The following CDH4 variants were observed in gnomAD, a reference collection of about 807,000 sequenced individuals.
CDH4 encodes the protein cadherin 4.
In CDH4, 33 loss-of-function variants were observed where a neutral mutation model predicts 86.0. The ratio of observed to expected loss-of-function variants is 0.38; its 90% CI spans 0.29 to 0.51. CDH4 has a LOEUF of 0.51. Among genes scored for constraint, CDH4 ranks in the 20% least tolerant of loss-of-function variants. CDH4 has a pLI of 0.86. For synonymous variants in CDH4, 555 were observed against 549.4 expected (o/e 1.01, Z -0.14); for missense variants, 1,114 against 1,307.4 (o/e 0.85, Z 2.28).
chr20:61,315,591 C>T (rs1054506780), intron 2 of CDH4, among the ~76,000 whole-genome samples: 12 of 152,192 alleles, frequency 7.9e-5, no homozygotes, highest in South Asian at 2.1e-4. Flanking sequence ...CGGGGAGAAA[C>T]GAGGAGTGTG....
intron 2 of CDH4, among the ~76,000 whole-genome samples, chr20:61,318,845 G>A (rs938346313): frequency 3.9e-5 from 6 of 152,154 alleles, no homozygotes; most frequent in Non-Finnish European, 7.4e-5. Context: ...CTTTTCATTC[G>A]TTTATTCACA....
At chr20:61,314,876 A>AT (rs1476455935) in intron 2 of CDH4, among the ~76,000 whole-genome samples, 2 of 152,140 alleles carry the variant, frequency 1.3e-5, no homozygotes, top group Non-Finnish European at 2.9e-5. Context: ...TTCCCTGGTG[A>AT]TTCGTGATAT....
At chr20:61,495,197 A>T (rs2085651763) in intron 2 of CDH4, among the ~76,000 whole-genome samples, 1 of 152,182 alleles carries the variant, frequency 6.6e-6, no homozygotes, top group Non-Finnish European at 1.5e-5. Context: ...TTCAGGACTT[A>T]ATGTTGAGTC....
intron 2 of CDH4, among the ~76,000 whole-genome samples, chr20:61,657,700 C>T (rs976866266): frequency 3.3e-5 from 5 of 152,156 alleles, no homozygotes; most frequent in Non-Finnish European, 7.3e-5. Flanking sequence ...GCTGAAGGGA[C>T]GTCGATCAAA....
intron 3 of CDH4, 122 bp from the exon 4 acceptor site, chr20:61,772,881 C>T: frequency 1.3e-6 from 1 of 765,020 alleles, no homozygotes; most frequent in Non-Finnish European, 1.9e-6. Context: ...GCTCCTTGTC[C>T]CAGCGTTACC....
chr20:61,750,784 A>T (rs976973389), intron 3 of CDH4, among the ~76,000 whole-genome samples: 1 of 152,248 alleles, frequency 6.6e-6, no homozygotes, highest in African/African-American at 2.4e-5. Flanking sequence ...ACTCGTGAGT[A>T]AGGTTAGCAA....
chr20:61,320,960 G>A (rs954586306), intron 2 of CDH4, among the ~76,000 whole-genome samples: 2 of 152,094 alleles, frequency 1.3e-5, no homozygotes, highest in Non-Finnish European at 2.9e-5. Context: ...TGCCCCTGCT[G>A]TGGGGAAGTG....
chr20:61,880,025 T>C (rs1387525261), intron 7 of CDH4, among the ~76,000 whole-genome samples: 1 of 152,218 alleles, frequency 6.6e-6, no homozygotes, highest in Admixed American at 6.5e-5. Flanking sequence ...TTCAAGACCC[T>C]CTGCCCGCCC....
At chr20:61,714,415 C>T (rs1271865527) in intron 2 of CDH4, among the ~76,000 whole-genome samples, 2 of 150,252 alleles carry the variant, frequency 1.3e-5, no homozygotes, top group Admixed American at 6.7e-5. Flanking sequence ...GTTTTATTTA[C>T]CTTTTCTTAT....
rs184504413 is a variant in CDH4 at position 61,415,624 on chromosome 20, C to T, written c.169+160687C>T. Among the ~76,000 whole-genome samples, 508 of 152,188 alleles carry T rather than the reference C, an allele frequency of 3.3e-3. 2 individuals carry two copies. Among genetic ancestry groups the T allele is most frequent in the Non-Finnish European group, 4.7e-3 (321 of 68,014 alleles). On this transcript the variant is annotated intron_variant, in intron 2 of 15. Coordinates refer to ENST00000614565, the MANE Select transcript of CDH4 (RefSeq NM_001794.5). The stretch of plus-strand genomic sequence containing the variant: ...GGACCCCAAACAGGTAGAATCATAC[C>T]GTATTTGTCCTTTTGCATCTAGCTG...
At chr20:61,841,795 G>T (rs1982189547) in intron 4 of CDH4, among the ~76,000 whole-genome samples, 1 of 152,166 alleles carries the variant, frequency 6.6e-6, no homozygotes, top group African/African-American at 2.4e-5. Context: ...TGGGCCTGCA[G>T]GCCTCCTCTC....
At chr20:61,924,710 C>G (rs986930889) in intron 11 of CDH4, among the ~76,000 whole-genome samples, 2 of 151,956 alleles carry the variant, frequency 1.3e-5, no homozygotes, top group African/African-American at 4.8e-5. Flanking sequence ...ATTCATTCTG[C>G]CCCCTCCCCA....
At chr20:61,282,461 A>C (rs898801857) in intron 2 of CDH4, among the ~76,000 whole-genome samples, 2 of 152,248 alleles carry the variant, frequency 1.3e-5, no homozygotes, top group Admixed American at 1.3e-4. Context: ...AGACTTTAGA[A>C]AACAGAAAAG....
At chr20:61,821,927 G>A (rs961608647) in intron 4 of CDH4, among the ~76,000 whole-genome samples, 3 of 152,338 alleles carry the variant, frequency 2.0e-5, no homozygotes, top group African/African-American at 4.8e-5. Context: ...GCTCTGCCCC[G>A]CCTCCTTGTG....
chr20:61,743,044 G>A (rs1406840930), intron 2 of CDH4, among the ~76,000 whole-genome samples: 1 of 152,184 alleles, frequency 6.6e-6, no homozygotes, highest in African/African-American at 2.4e-5. Flanking sequence ...GCCGAGTTCT[G>A]CTGCCAGAAT....
intron 5 of CDH4, among the ~76,000 whole-genome samples, chr20:61,851,791 C>T (rs765065258): frequency 3.9e-5 from 6 of 152,186 alleles, no homozygotes; most frequent in Non-Finnish European, 7.3e-5. Context: ...AGCAGCCCCT[C>T]CTCCGAGAGG....
intron 6 of CDH4, among the ~76,000 whole-genome samples, chr20:61,871,168 AT>A (rs973456569): frequency 1.3e-5 from 2 of 151,876 alleles, no homozygotes; most frequent in African/African-American, 4.8e-5. Flanking sequence ...CACCCTTAGT[AT>A]TTCCTCTAGT....
intron 2 of CDH4, among the ~76,000 whole-genome samples, chr20:61,557,582 C>A (rs1006119925): frequency 6.6e-6 from 1 of 152,160 alleles, no homozygotes; most frequent in African/African-American, 2.4e-5. Context: ...ATTTGGATAG[C>A]TTAGAGGAAT....
At chr20:61,873,216 C>T (rs1734842910) in intron 6 of CDH4, among the ~76,000 whole-genome samples, 2 of 152,198 alleles carry the variant, frequency 1.3e-5, no homozygotes, top group Admixed American at 1.3e-4. Context: ...CTCAGAGTCC[C>T]TTCTAGGTTT....
Sources: allele counts gnomAD v4.1 joint callset (sites outside exome capture counted in the v4.1 genomes callset), GRCh38; gene constraint gnomAD v4.1.1; transcripts MANE v1.5; gene names NCBI Gene and HGNC (gene_info 2026-07-23, HGNC 2026-07-21).